Variants in RASEF observed in about 807,000 individuals in gnomAD.
RASEF encodes RAS and EF-hand domain containing.
Under a neutral mutation model 90.1 loss-of-function variants are expected in RASEF, and 68 were observed. The ratio of observed to expected loss-of-function variants is 0.75; its 90% confidence interval spans 0.62 to 0.92. The LOEUF (loss-of-function observed/expected upper bound fraction) is 0.92. Among genes scored for constraint, RASEF ranks in the 40% least tolerant of loss-of-function variants. RASEF has a pLI of 0.00. For missense variants in RASEF, 949 were observed against 937.2 expected, an observed-to-expected ratio of 1.01 and a Z score of -0.16; for synonymous variants, 331 against 345.2, an observed-to-expected ratio of 0.96 and a Z score of 0.46.
the RASEF span, among the ~76,000 whole-genome samples, chr9:83,204,541 A>G: frequency 1.2e-3 from 177 of 152,188 alleles, no homozygotes; most frequent in Non-Finnish European, 2.2e-3. Context: ...GCTTTTGATA[A>G]ATTTTGTTTC....
chr9:83,022,201 T>C, intron 3 of RASEF, 135 bp downstream of exon 3: 1 of 677,590 alleles, frequency 1.5e-6, no homozygotes. Flanking sequence ...CCAGTAAAAA[T>C]TCCTTTGCTG....
rs1269860144 is a variant in RASEF at position 82,979,912 on chromosome 9, A to G, written c.*2765T>C. ...AAATAAATCTTTATCTTTAACCTCA[A>G]TTTTATCTTCAGCAGGAGGGTTGTG... is the stretch of plus-strand genomic sequence containing the variant. On this transcript the variant is annotated 3_prime_UTR_variant, in exon 17 of 17. Coordinates refer to ENST00000376447, the MANE Select transcript of RASEF (RefSeq NM_152573.4). The G allele has an allele frequency of 6.6e-6, 1 of 152,164 alleles. No individual in the cohort carries two copies. Among genetic ancestry groups the G allele is most frequent in the African/African-American group, 2.4e-5 (1 of 41,444 alleles). The allele number at this position is 152,164 out of a possible 1,614,324, so 9.4% of individuals were successfully genotyped here.
Position 83,062,944 on chromosome 9 carries a change from C to G in RASEF, c.-77G>C, listed in dbSNP as rs1229407660. 39 of 1,337,010 alleles carry G rather than the reference C, an allele frequency of 2.9e-5. No homozygotes were observed. The highest frequency in any genetic ancestry group is 3.7e-5 in the Non-Finnish European group (39 of 1,042,926). The allele number at this position is 1,337,010 out of a possible 1,614,324, so 82.8% of individuals were successfully genotyped here. ...GCCCTCCCTGGAAGGACGGGGCCACCTGCTGCCGCCGGGAGGCCCGGCGAG... is the reference window on the plus strand; with the variant it reads ...GCCCTCCCTGGAAGGACGGGGCCACGTGCTGCCGCCGGGAGGCCCGGCGAG... On this transcript the variant is annotated 5_prime_UTR_variant, in exon 1 of 17. Coordinates refer to ENST00000376447, the MANE Select transcript of RASEF (RefSeq NM_152573.4).
the RASEF span, among the ~76,000 whole-genome samples, chr9:83,122,977 C>A: frequency 6.6e-6 from 1 of 152,122 alleles, no homozygotes; most frequent in African/African-American, 2.4e-5. Context: ...CAGTGGCTCA[C>A]GCCTGTAATC....
At chr9:83,074,895 A>G in the RASEF span, among the ~76,000 whole-genome samples, 1 of 152,250 alleles carries the variant, frequency 6.6e-6, no homozygotes, top group Non-Finnish European at 1.5e-5. Context: ...ATTTTTTAAA[A>G]CAACATAGTA....
the RASEF span, among the ~76,000 whole-genome samples, chr9:83,191,883 T>C: frequency 6.6e-6 from 1 of 152,168 alleles, no homozygotes; most frequent in Non-Finnish European, 1.5e-5. Context: ...TTTCTGTAAA[T>C]ATAAAATTAT....
chr9:83,086,778 T>G, the RASEF span, among the ~76,000 whole-genome samples: 1 of 152,132 alleles, frequency 6.6e-6, no homozygotes, highest in Middle Eastern at 3.2e-3. Flanking sequence ...GACTGCTGGC[T>G]TCTCCCAGAG....
At chr9:83,083,195 A>T in the RASEF span, among the ~76,000 whole-genome samples, 5 of 152,284 alleles carry the variant, frequency 3.3e-5, no homozygotes, top group African/African-American at 1.2e-4. Flanking sequence ...AATTCCATAA[A>T]GGGGTTTGTC....
At position 82,997,131 on chromosome 9, in the gene RASEF, G is replaced by C. The variant is rs1211129202; in HGVS notation, c.1806-5C>G. 3 of 1,567,448 alleles carry C rather than the reference G, an allele frequency of 1.9e-6. No homozygotes were observed. In the South Asian group the frequency reaches 3.3e-5, roughly 17 times the overall value. On this transcript the variant is annotated splice_region_variant and splice_polypyrimidine_tract_variant and intron_variant, in intron 13 of 16. Coordinates refer to ENST00000376447, the MANE Select transcript of RASEF (RefSeq NM_152573.4). Reference sequence around the variant, plus strand: ...GACTTGGCAATACTTCTGAATCTGAGAAAGAGAAAACCACATCATCAGTCA... The same window carrying C: ...GACTTGGCAATACTTCTGAATCTGACAAAGAGAAAACCACATCATCAGTCA...
At chr9:83,145,476 C>T in the RASEF span, among the ~76,000 whole-genome samples, 67 of 152,030 alleles carry the variant, frequency 4.4e-4, no homozygotes, top group Non-Finnish European at 8.5e-4. Context: ...TCGTTTAGGG[C>T]CCAGTAGGGC....
the RASEF span, among the ~76,000 whole-genome samples, chr9:83,203,854 G>A: frequency 6.6e-6 from 1 of 152,162 alleles, no homozygotes; most frequent in Non-Finnish European, 1.5e-5. Context: ...TGGAGCAAGA[G>A]GATGAGAGGC....
chr9:83,033,915 G>C (rs568640326), intron 1 of RASEF, among the ~76,000 whole-genome samples: 7 of 152,038 alleles, frequency 4.6e-5, no homozygotes, highest in African/African-American at 9.7e-5. Flanking sequence ...TGCCCTGAAC[G>C]AATCACACTT....
At chr9:83,121,353 A>T in the RASEF span, among the ~76,000 whole-genome samples, 1 of 152,104 alleles carries the variant, frequency 6.6e-6, no homozygotes, top group Non-Finnish European at 1.5e-5. Context: ...TATCAATATG[A>T]AAGGTTTTAG....
chr9:83,134,388 G>A, the RASEF span, among the ~76,000 whole-genome samples: 1 of 145,062 alleles, frequency 6.9e-6, no homozygotes, highest in Admixed American at 7.0e-5. Context: ...CAAAGAATTT[G>A]TTCCTCTTTG....
the RASEF span, among the ~76,000 whole-genome samples, chr9:83,144,426 G>GA: frequency 2.2e-5 from 3 of 136,444 alleles, no homozygotes; most frequent in African/African-American, 5.7e-5. Context: ...GAAAAGAAAA[G>GA]AAAGAAAGGA....
the RASEF span, among the ~76,000 whole-genome samples, chr9:83,132,326 G>T: frequency 2.0e-5 from 3 of 152,146 alleles, no homozygotes; most frequent in Admixed American, 2.0e-4. Context: ...ACAAGGAAAA[G>T]CTCTAACATG....
chr9:83,151,105 T>G, the RASEF span, among the ~76,000 whole-genome samples: 4 of 149,548 alleles, frequency 2.7e-5, no homozygotes, highest in South Asian at 8.4e-4. Context: ...CAAAAGTTGT[T>G]TTTTTTTTTC....
chr9:83,066,694 T>A (rs2117945986), upstream of RASEF, among the ~76,000 whole-genome samples: 1 of 152,318 alleles, frequency 6.6e-6, no homozygotes, highest in Admixed American at 6.5e-5. Flanking sequence ...TGTTAGAGCA[T>A]GTTTCTCAAA....
At chr9:83,124,670 T>A in the RASEF span, among the ~76,000 whole-genome samples, 1 of 152,158 alleles carries the variant, frequency 6.6e-6, no homozygotes, top group East Asian at 1.9e-4. Flanking sequence ...TGTGAGTCAG[T>A]AAAATCCTGA....
Sources: allele counts gnomAD v4.1 joint callset (sites outside exome capture counted in the v4.1 genomes callset), GRCh38; gene constraint gnomAD v4.1.1; transcripts MANE v1.5; gene names NCBI Gene and HGNC (gene_info 2026-07-23, HGNC 2026-07-21).